Variants in BRD10 observed in about 807,000 individuals in gnomAD.
BRD10 encodes bromodomain containing 10.
chr9:6,003,637 G>A, the BRD10 span, among the ~76,000 whole-genome samples: 4 of 151,946 alleles, frequency 2.6e-5, no homozygotes, highest in Non-Finnish European at 2.9e-5. Context: ...ATATGTTACC[G>A]CCTTTGAAAA....
chr9:5,928,749 T>C, the BRD10 span, among the ~76,000 whole-genome samples: 2 of 152,186 alleles, frequency 1.3e-5, no homozygotes, highest in Non-Finnish European at 2.9e-5. Flanking sequence ...CCTGCCCAAA[T>C]CAGCCATTTC....
chr9:5,953,263 T>C, the BRD10 span, among the ~76,000 whole-genome samples: 1 of 152,176 alleles, frequency 6.6e-6, no homozygotes, highest in African/African-American at 2.4e-5. Context: ...GGTATGAGTT[T>C]ATAAAACTTT....
the BRD10 span, among the ~76,000 whole-genome samples, chr9:5,911,716 G>T: frequency 6.6e-5 from 10 of 151,754 alleles, no homozygotes; most frequent in South Asian, 1.9e-3. Flanking sequence ...TGTATTTTTA[G>T]TAGAGACGGG....
At chr9:6,007,935 GGT>G in the BRD10 span, 2 of 1,331,374 alleles carry the variant, frequency 1.5e-6, no homozygotes, top group African/African-American at 3.1e-5. Flanking sequence ...GGCTCGGCTC[GGT>G]GCGCGCGGGG....
chr9:5,917,373 T>A, the BRD10 span, among the ~76,000 whole-genome samples: 2 of 151,966 alleles, frequency 1.3e-5, no homozygotes, highest in African/African-American at 4.8e-5. Flanking sequence ...TAAAAGAAAA[T>A]TAGAGTACAG....
the BRD10 span, among the ~76,000 whole-genome samples, chr9:5,987,288 T>C: frequency 6.6e-6 from 1 of 152,214 alleles, no homozygotes; most frequent in South Asian, 2.1e-4. Flanking sequence ...TATTAATTGT[T>C]CTCAGGACAA....
the BRD10 span, among the ~76,000 whole-genome samples, chr9:5,938,168 C>A: frequency 6.6e-6 from 1 of 152,192 alleles, no homozygotes; most frequent in Admixed American, 6.5e-5. Context: ...GCCCAACCAA[C>A]CCTAATTAAA....
At chr9:5,987,532 G>A in the BRD10 span, among the ~76,000 whole-genome samples, 3 of 152,190 alleles carry the variant, frequency 2.0e-5, no homozygotes, top group South Asian at 6.2e-4. Flanking sequence ...CTTTACAGCA[G>A]GTTTCCAAAT....
At chr9:5,990,823 G>C in the BRD10 span, among the ~76,000 whole-genome samples, 5 of 152,128 alleles carry the variant, frequency 3.3e-5, no homozygotes, top group African/African-American at 1.2e-4. Context: ...AGTCAATTTA[G>C]TAATAATCAT....
the BRD10 span, among the ~76,000 whole-genome samples, chr9:5,940,424 A>T: frequency 2.6e-5 from 4 of 151,930 alleles, no homozygotes; most frequent in East Asian, 1.9e-4. Context: ...CGAACTCCCA[A>T]CCTTGTGATC....
At chr9:5,924,895 T>C in the BRD10 span, 1 of 1,284,518 alleles carries the variant, frequency 7.8e-7, no homozygotes, top group South Asian at 2.4e-5. Context: ...TTTAAATTCT[T>C]GGAATCTAAA....
chr9:5,943,441 C>G, the BRD10 span, among the ~76,000 whole-genome samples: 1 of 151,542 alleles, frequency 6.6e-6, no homozygotes, highest in Non-Finnish European at 1.5e-5. Flanking sequence ...ATATGGACAC[C>G]TCCCTAAAAA....
At chr9:5,940,021 T>C in the BRD10 span, among the ~76,000 whole-genome samples, 3 of 152,228 alleles carry the variant, frequency 2.0e-5, no homozygotes, top group African/African-American at 7.2e-5. Flanking sequence ...CTAGCTAATG[T>C]ACACCCTTTG....
At chr9:5,980,895 C>T in the BRD10 span, among the ~76,000 whole-genome samples, 1 of 151,982 alleles carries the variant, frequency 6.6e-6, no homozygotes, top group African/African-American at 2.4e-5. Context: ...AACTGTTTTC[C>T]CCACTTCTTA....
chr9:5,961,608 T>C, the BRD10 span, among the ~76,000 whole-genome samples: 1 of 152,274 alleles, frequency 6.6e-6, no homozygotes, highest in Non-Finnish European at 1.5e-5. Context: ...CGCCAGGACA[T>C]ATTTTTCTTT....
the BRD10 span, chr9:5,954,103 G>A: frequency 1.3e-5 from 19 of 1,482,494 alleles, no homozygotes; most frequent in Non-Finnish European, 1.7e-5. Flanking sequence ...TTCCTTTCAA[G>A]ATTAAAAGAG....
the BRD10 span, among the ~76,000 whole-genome samples, chr9:5,951,438 A>T: frequency 6.6e-6 from 1 of 152,164 alleles, no homozygotes; most frequent in African/African-American, 2.4e-5. Flanking sequence ...GTTTTACAAA[A>T]GGGATCTATT....
At chr9:5,924,553 C>G in the BRD10 span, 2 of 605,828 alleles carry the variant, frequency 3.3e-6, no homozygotes, top group Non-Finnish European at 5.3e-6. Context: ...ACAGATTTCC[C>G]TAATCAATAT....
chr9:5,950,709 C>T, the BRD10 span, among the ~76,000 whole-genome samples: 4 of 152,118 alleles, frequency 2.6e-5, no homozygotes, highest in Admixed American at 6.6e-5. Context: ...ATACAGTCGT[C>T]CCTCGGTATC....
Sources: gnomAD v4.1 joint callset for allele counts (sites outside exome capture counted in the v4.1 genomes callset) on GRCh38, gnomAD v4.1.1 for gene constraint, MANE v1.5 for transcripts, NCBI Gene and HGNC (gene_info 2026-07-23, HGNC 2026-07-21) for gene names.